The following TRPM1 variants were observed in gnomAD, a reference collection of about 807,000 sequenced individuals.
TRPM1 encodes transient receptor potential cation channel subfamily M member 1.
A neutral mutation model predicts 149.4 loss-of-function variants in TRPM1; 113 were observed. The ratio of observed to expected loss-of-function variants is 0.76; its 90% CI spans 0.65 to 0.88. TRPM1 has a LOEUF of 0.88. Ranked by LOEUF, TRPM1 falls within the 40% of genes least tolerant of loss-of-function variation. TRPM1 has a pLI of 0.00. For missense variants in TRPM1, 1,976 were observed against 2,038.7 expected, an observed-to-expected ratio of 0.97 and a Z score of 0.59; for synonymous variants, 741 against 759.5, an observed-to-expected ratio of 0.98 and a Z score of 0.40.
At chr15:31,076,109 T>C (rs1379191834) in intron 3 of TRPM1, among the ~76,000 whole-genome samples, 1 of 141,796 alleles carries the variant, frequency 7.1e-6, no homozygotes, top group Non-Finnish European at 1.6e-5. Flanking sequence ...CATTGTTTCA[T>C]AATGGCATTT....
chr15:31,105,477 G>GCA (rs2035593566), upstream of TRPM1, among the ~76,000 whole-genome samples: 2 of 144,808 alleles, frequency 1.4e-5, no homozygotes, highest in Non-Finnish European at 3.0e-5. Flanking sequence ...GTGTGTGCGC[G>GCA]CGCGCGCGCG....
At chr15:31,068,865 A>G (rs1037476132) in intron 4 of TRPM1, among the ~76,000 whole-genome samples, 1 of 152,062 alleles carries the variant, frequency 6.6e-6, no homozygotes, top group Non-Finnish European at 1.5e-5. Context: ...GCCAGGCACC[A>G]AATCTGCTGG....
At position 31,042,174 on chromosome 15, in the gene TRPM1, C is replaced by T. The variant is rs371215607; in HGVS notation, c.1864G>A (p.Val622Met). Residue 622 changes from valine to methionine, a missense_variant, in exon 17 of 28, where the codon GTG becomes ATG. Physicochemically the swap from Val to Met is conservative, Grantham distance 21. Transcript: ENST00000256552. ...AACCGACTCACGGCAGGGTCGTCCA[C>T]ATCAATGTCGATCTCTTCCTCCTTT... ...KKKEEEIDID[V>M]DDPAVSRFQY... The T allele has an allele frequency of 1.4e-5, 22 of 1,614,008 alleles. No individual in the cohort carries two copies. Among genetic ancestry groups the T allele is most frequent in the Non-Finnish European group, 1.7e-5 (20 of 1,179,996 alleles).
chr15:31,077,860 T>G lies in TRPM1; in HGVS notation c.4-876A>C, dbSNP rs533183132. On this transcript the variant is annotated intron_variant, in intron 2 of 27. Transcript: ENST00000256552. ...ATGTGAGTGGGTGTGTGCGCACGCA[T>G]GTGTGGTGTGTGTTTGTGATGTGTG... is the stretch of plus-strand genomic sequence containing the variant. Among the ~76,000 whole-genome samples the G allele has an allele frequency of 3.3e-5, 5 of 151,834 alleles. No individual in the cohort carries two copies. The South Asian group carries it at 1.0e-3, about 32-fold the overall frequency.
chr15:31,154,436 G>A (rs2141064902), intron 1 of TRPM1, among the ~76,000 whole-genome samples: 1 of 152,306 alleles, frequency 6.6e-6, no homozygotes, highest in East Asian at 1.9e-4. Context: ...ATCTGAAACT[G>A]CCTTTGCAAA....
chr15:31,081,922 A>T (rs1273730250), intron 1 of TRPM1, among the ~76,000 whole-genome samples: 1 of 152,164 alleles, frequency 6.6e-6, no homozygotes, highest in Non-Finnish European at 1.5e-5. Flanking sequence ...ATCTGCTCAG[A>T]GGCAGTGTGC....
intron 1 of TRPM1, among the ~76,000 whole-genome samples, chr15:31,088,964 G>A (rs1031685552): frequency 6.6e-6 from 1 of 152,192 alleles, no homozygotes; most frequent in Admixed American, 6.5e-5. Flanking sequence ...AGGCAGTGGG[G>A]CTCCCAGCAC....
intron 4 of TRPM1, 27 bp downstream of exon 4, chr15:31,070,004 G>C (rs768799852): frequency 6.2e-7 from 1 of 1,614,194 alleles, no homozygotes; most frequent in South Asian, 1.1e-5. Context: ...TGATCCTAGT[G>C]GCACCATGTC....
At chr15:31,013,708 G>A (rs1016984751) in intron 27 of TRPM1, among the ~76,000 whole-genome samples, 1 of 152,136 alleles carries the variant, frequency 6.6e-6, no homozygotes, top group Non-Finnish European at 1.5e-5. Flanking sequence ...ATTGCTTAGT[G>A]TAGTTGTTGT....
chr15:31,058,942 T>C (rs910817537), intron 11 of TRPM1, among the ~76,000 whole-genome samples: 3 of 151,868 alleles, frequency 2.0e-5, no homozygotes, highest in African/African-American at 7.3e-5. Flanking sequence ...AAAATTTAGC[T>C]GGGTGTGGTG....
At chr15:31,094,568 A>G (rs2035327387) in intron 1 of TRPM1, among the ~76,000 whole-genome samples, 1 of 152,256 alleles carries the variant, frequency 6.6e-6, no homozygotes, top group African/African-American at 2.4e-5. Context: ...TGAATAGACA[A>G]TTCTCCAATG....
Position 31,067,064 on chromosome 15 carries a change from T to G in TRPM1, c.617A>C (p.Asp206Ala), listed in dbSNP as rs1567030232. Residue 206 changes from aspartate (D) to alanine (A), a missense_variant and splice_region_variant, in exon 6 of 28, where the codon GAT (aspartate) becomes GCT (alanine). Physicochemically the swap from Asp to Ala is moderately radical, Grantham distance 126 (BLOSUM62 -2). Coordinates refer to ENST00000256552, the MANE Select transcript of TRPM1 (RefSeq NM_001252024.2). ...VENKEDLVGK[D>A]VTRVYQTMSN... The stretch of plus-strand genomic sequence containing the variant: ...AACATTTGCAGAGAAAACACTTACA[T>G]CCTTTCCAACCAGGTCTTCCTTATT... 1.2e-6 allele frequency: 2 copies of G among 1,614,158 alleles called. No homozygotes were observed. Among genetic ancestry groups the G allele is most frequent in the East Asian group, 4.5e-5 (2 of 44,890 alleles).
intron 1 of TRPM1, among the ~76,000 whole-genome samples, chr15:31,136,749 CTT>C (rs60370849): frequency 1.7e-4 from 24 of 137,702 alleles, no homozygotes; most frequent in Admixed American, 4.3e-4. Flanking sequence ...CGCCCCCACC[CTT>C]TTTTTTTTTT....
Position 31,055,544 on chromosome 15 carries a change from C to T in TRPM1, c.1264-4962G>A, listed in dbSNP as rs371957955. ...ATGGTCTACAGAGCAGGAGGCCACA[C>T]ATCCCCTCCCGGTCTCCAGGCTGCC... On this transcript the variant is annotated intron_variant, in intron 11 of 27. Transcript: ENST00000256552. Among the ~76,000 whole-genome samples the T allele has an allele frequency of 2.6e-5, 4 of 152,316 alleles. No homozygotes were observed. The South Asian group carries it at 8.3e-4, about 32-fold the overall frequency.
intron 1 of TRPM1, among the ~76,000 whole-genome samples, chr15:31,148,043 G>C (rs975276512): frequency 6.6e-6 from 1 of 152,198 alleles, no homozygotes; most frequent in Non-Finnish European, 1.5e-5. Flanking sequence ...CAGAGGCTGC[G>C]AAGAGAGAGG....
chr15:31,046,599 G>A (rs916882575), intron 15 of TRPM1, among the ~76,000 whole-genome samples: 36 of 152,168 alleles, frequency 2.4e-4, no homozygotes, highest in Admixed American at 3.9e-4. Context: ...CACTGATAGT[G>A]GGGAAAGACG....
intron 27 of TRPM1, among the ~76,000 whole-genome samples, chr15:31,024,612 A>G (rs2140896078): frequency 6.6e-6 from 1 of 152,118 alleles, no homozygotes. Context: ...TGATAACCAC[A>G]CTCTTGCAGC....
chr15:31,093,993 T>C lies in TRPM1; in HGVS notation c.-84+7664A>G, dbSNP rs531126564. Among the ~76,000 whole-genome samples, 10 of 152,296 alleles carry C rather than the reference T, an allele frequency of 6.6e-5. No homozygotes were observed. The South Asian group carries it at 2.1e-3, about 32-fold the overall frequency. ...AGCGTCAGTAATCAAAGAAGTATGG[T>C]ACTAGCATAAGGACAGACATGCAGG... On this transcript the variant is annotated intron_variant, in intron 1 of 27. Transcript: ENST00000256552.
At chr15:31,032,345 G>A (rs2033127293) in intron 22 of TRPM1, among the ~76,000 whole-genome samples, 1 of 152,056 alleles carries the variant, frequency 6.6e-6, no homozygotes, top group African/African-American at 2.4e-5. Context: ...TATGGAAGAA[G>A]GGAGACAGTA....
Sources: allele counts gnomAD v4.1 joint callset (sites outside exome capture counted in the v4.1 genomes callset), GRCh38; gene constraint gnomAD v4.1.1; transcripts MANE v1.5; gene names NCBI Gene and HGNC (gene_info 2026-07-23, HGNC 2026-07-21).